The following NR2C1 variants were observed in gnomAD, a reference collection of about 807,000 sequenced individuals.
The protein encoded by NR2C1 is nuclear receptor subfamily 2 group C member 1.
Under a neutral mutation model 74.8 loss-of-function variants are expected in NR2C1, and 33 were observed. That is an observed-to-expected ratio of 0.44 (90% CI 0.33 to 0.59). The LOEUF (loss-of-function observed/expected upper bound fraction) is 0.59, where lower values mean the gene tolerates loss of function less well. NR2C1 is among the 20% of genes least tolerant of loss of function. The pLI is 0.02. For missense variants in NR2C1, 568 were observed against 715.6 expected (o/e 0.79, Z 2.35); for synonymous variants, 225 against 240.6 (o/e 0.94, Z 0.60).
chr12:95,059,425 G>A (rs1874409996), intron 4 of NR2C1, among the ~76,000 whole-genome samples: 1 of 151,472 alleles, frequency 6.6e-6, no homozygotes, highest in African/African-American at 2.4e-5. Context: ...AGAACTTTGG[G>A]ACCGGGCATG....
At chr12:95,042,727 GAGA>G (rs1472543722) in intron 9 of NR2C1, among the ~76,000 whole-genome samples, 1 of 152,102 alleles carries the variant, frequency 6.6e-6, no homozygotes, top group African/African-American at 2.4e-5. Flanking sequence ...TTCTGTAAGT[GAGA>G]AGAAAATTTT....
At chr12:95,039,570 G>C (rs1239160442) in intron 10 of NR2C1, among the ~76,000 whole-genome samples, 1 of 152,304 alleles carries the variant, frequency 6.6e-6, no homozygotes, top group East Asian at 1.9e-4. Context: ...TTTAGGTAAA[G>C]CTTGAGTTTC....
chr12:95,054,808 G>C (rs1397847229), intron 7 of NR2C1, among the ~76,000 whole-genome samples: 1 of 151,862 alleles, frequency 6.6e-6, no homozygotes. Context: ...CGCAGAGGGG[G>C]ATTTGGCAGG....
intron 10 of NR2C1, 91 bp from the exon 11 acceptor site, chr12:95,031,579 T>C: frequency 1.1e-6 from 1 of 921,542 alleles, no homozygotes. Context: ...AAAAACAGCA[T>C]ATTACTAAAC....
At position 95,058,291 on chromosome 12, in the gene NR2C1, C is replaced by A. The variant is rs1195751230; in HGVS notation, c.544+19G>T. ...TGGAATCTTTAAAAAGTATTTTCTCCTTAAAAGCTAATACATACAGTCTTG... is the reference window on the plus strand; with the variant it reads ...TGGAATCTTTAAAAAGTATTTTCTCATTAAAAGCTAATACATACAGTCTTG... On this transcript the variant is annotated intron_variant, in intron 5 of 13. Coordinates refer to ENST00000333003, the MANE Select transcript of NR2C1 (RefSeq NM_003297.4). 10 of 1,573,724 alleles carry A rather than the reference C, an allele frequency of 6.4e-6. No individual in the cohort carries two copies. Among genetic ancestry groups the A allele is most frequent in the Non-Finnish European group, 7.7e-6 (9 of 1,165,670 alleles).
intron 7 of NR2C1, 91 bp downstream of exon 7, chr12:95,057,462 G>A: frequency 4.4e-6 from 4 of 904,736 alleles, no homozygotes; most frequent in Non-Finnish European, 6.6e-6. Context: ...GAATATTTAA[G>A]AACAAAGCAA....
chr12:95,054,587 G>A (rs1873553125), intron 7 of NR2C1, among the ~76,000 whole-genome samples: 1 of 152,036 alleles, frequency 6.6e-6, no homozygotes, highest in African/African-American at 2.4e-5. Flanking sequence ...ACAGGCTTGA[G>A]CCACTGTGCC....
Position 95,021,769 on chromosome 12 carries a change from G to C in NR2C1, c.*460C>G, listed in dbSNP as rs1033125056. 3 of 152,380 alleles carry C rather than the reference G, an allele frequency of 2.0e-5. No homozygotes were observed. Among genetic ancestry groups the C allele is most frequent in the African/African-American group, 7.2e-5 (3 of 41,406 alleles). 9.4% of individuals were successfully genotyped at this position (152,380 alleles called of 1,614,324 possible). ...AGTAAGCATAAAATAATCTTATTTTGATATGGTAATTAAACAAAAATTATT... is the reference window on the plus strand; with the variant it reads ...AGTAAGCATAAAATAATCTTATTTTCATATGGTAATTAAACAAAAATTATT... On this transcript the variant is annotated 3_prime_UTR_variant, in exon 14 of 14. Coordinates refer to ENST00000333003, the MANE Select transcript of NR2C1 (RefSeq NM_003297.4).
chr12:95,028,774 C>T (rs1485359160), intron 11 of NR2C1, among the ~76,000 whole-genome samples: 3 of 151,942 alleles, frequency 2.0e-5, no homozygotes, highest in South Asian at 4.1e-4. Flanking sequence ...GGACTAGAGG[C>T]GCATGCCACC....
intron 10 of NR2C1, among the ~76,000 whole-genome samples, chr12:95,032,909 G>A (rs980496708): frequency 2.6e-5 from 4 of 151,854 alleles, no homozygotes; most frequent in Non-Finnish European, 5.9e-5. Context: ...TTGAGGCTTC[G>A]GTGAGCTGTG....
In NR2C1 at chr12:95,022,047, T is replaced by A; in HGVS notation, c.*182A>T. 1 of 462,466 alleles carries A rather than the reference T, an allele frequency of 2.2e-6. No homozygotes were observed. Among genetic ancestry groups the A allele is most frequent in the Non-Finnish European group, 3.7e-6 (1 of 267,668 alleles). 28.6% of individuals were successfully genotyped at this position (462,466 alleles called of 1,614,324 possible). A position where few individuals can be genotyped will look rare whatever the true frequency, so the allele number is the denominator to read the frequency against. On this transcript the variant is annotated 3_prime_UTR_variant, in exon 14 of 14. Transcript: ENST00000333003. The stretch of plus-strand genomic sequence containing the variant: ...AAGGAATCAGGAAGAAAAATTCATT[T>A]AATTTCTGCTGCCTGCCCAGTCACT...
rs1016321149 is a variant in NR2C1 at position 95,067,352 on chromosome 12, A to C, written c.33T>G (p.Ile11Met). 1.9e-6 allele frequency: 3 copies of C among 1,613,802 alleles called. No homozygotes were observed. The African/African-American group carries it at 4.0e-5, about 22-fold the overall frequency. MATIEEIAHQ[I>M]IEQQMGEIVT... is the part of the protein sequence containing the mutation. ...ATACCTCTCCCATCTGTTGTTCAATAATTTGATGTGCAATTTCTTCTATGG... is the reference window on the plus strand; with the variant it reads ...ATACCTCTCCCATCTGTTGTTCAATCATTTGATGTGCAATTTCTTCTATGG... Residue 11 changes from isoleucine to methionine, a missense_variant, in exon 2 of 14, where the codon ATT becomes ATG. This residue lies in a region of NR2C1 where 128 missense variants were observed against 118.9 expected (regional missense o/e 1.08). Coordinates refer to ENST00000333003, the MANE Select transcript of NR2C1 (RefSeq NM_003297.4).
intron 9 of NR2C1, among the ~76,000 whole-genome samples, chr12:95,048,339 A>T (rs1485532231): frequency 6.6e-6 from 1 of 152,246 alleles, no homozygotes; most frequent in East Asian, 1.9e-4. Flanking sequence ...ATTGATTACG[A>T]TATAGTAGTA....
chr12:95,022,700 ATTT>A (rs373684275), intron 13 of NR2C1, among the ~76,000 whole-genome samples: 3 of 143,276 alleles, frequency 2.1e-5, no homozygotes, highest in African/African-American at 2.6e-5. Flanking sequence ...AAGTTATACA[ATTT>A]TTTTTTTTTT....
chr12:95,045,685 A>G (rs1872224383), intron 9 of NR2C1, among the ~76,000 whole-genome samples: 3 of 152,118 alleles, frequency 2.0e-5, no homozygotes, highest in Admixed American at 2.0e-4. Context: ...AGTATATGCA[A>G]TTTCCAAAAC....
intron 4 of NR2C1, 60 bp from the exon 5 acceptor site, chr12:95,058,549 TA>T (rs1874249168): frequency 4.4e-6 from 6 of 1,365,660 alleles, no homozygotes; most frequent in Non-Finnish European, 6.1e-6. Flanking sequence ...AGAAATGACA[TA>T]AGCCAATTTC....
At chr12:95,059,533 G>A (rs1450933416) in intron 4 of NR2C1, among the ~76,000 whole-genome samples, 2 of 151,900 alleles carry the variant, frequency 1.3e-5, no homozygotes, top group East Asian at 3.9e-4. Flanking sequence ...CCAACATGGT[G>A]AAACTCCATT....
intron 9 of NR2C1, among the ~76,000 whole-genome samples, chr12:95,043,861 ACT>A (rs1230036252): frequency 6.6e-6 from 1 of 152,212 alleles, no homozygotes; most frequent in African/African-American, 2.4e-5. Context: ...TACAACACAC[ACT>A]AAAGGGACTC....
intron 10 of NR2C1, among the ~76,000 whole-genome samples, chr12:95,037,104 G>A (rs1195740032): frequency 6.6e-6 from 1 of 152,154 alleles, no homozygotes. Context: ...AATAAATAAA[G>A]TCTCCTGTGG....
Sources: allele counts gnomAD v4.1 joint callset (sites outside exome capture counted in the v4.1 genomes callset), GRCh38; gene constraint gnomAD v4.1.1; regional missense constraint gnomAD v4.1.1; transcripts MANE v1.5; gene names NCBI Gene and HGNC (gene_info 2026-07-23, HGNC 2026-07-21).